The following TANK variants were observed in gnomAD, a reference collection of about 807,000 sequenced individuals.
TANK encodes the protein TRAF family member associated NFKB activator.
Under a neutral mutation model 43.6 loss-of-function variants are expected in TANK, and 15 were observed. The ratio of observed to expected loss-of-function variants is 0.34; its 90% CI spans 0.23 to 0.53. The LOEUF is 0.53. Among genes scored for constraint, TANK ranks in the 20% least tolerant of loss-of-function variants. The probability of loss-of-function intolerance (pLI) is 0.94; values close to 1 mark genes in which losing one functional copy is unlikely to be tolerated. For synonymous variants in TANK, 162 were observed against 178.2 expected (o/e 0.91, Z 0.73); for missense variants, 417 against 498.6 (o/e 0.84, Z 1.56).
chr2:161,141,776 T>G (rs576909866), intron 1 of TANK, among the ~76,000 whole-genome samples: 1 of 152,320 alleles, frequency 6.6e-6, no homozygotes, highest in East Asian at 1.9e-4. Flanking sequence ...TTGTAAATAG[T>G]GCTGCACGAA....
Position 161,224,622 on chromosome 2 carries a change from T to C in TANK, c.405-9T>C. 7.3e-7 allele frequency: 1 copy of C among 1,363,566 alleles called. No homozygotes were observed. The highest frequency in any genetic ancestry group is 2.4e-5 in the Admixed American group (1 of 41,628). The allele number at this position is 1,363,566 out of a possible 1,614,324, so 84.5% of individuals were successfully genotyped here. ...CTTTACATTTTAAAATGTTGATTTT[T>C]TTTTTTAGGGGTAATATAGAGAAGA... is the stretch of plus-strand genomic sequence containing the variant. On this transcript the variant is annotated splice_polypyrimidine_tract_variant and intron_variant, in intron 5 of 7. Coordinates refer to ENST00000392749, the MANE Select transcript of TANK (RefSeq NM_001199135.3).
chr2:161,153,145 G>T (rs1020883869), intron 1 of TANK, among the ~76,000 whole-genome samples: 1 of 151,696 alleles, frequency 6.6e-6, no homozygotes, highest in South Asian at 2.1e-4. Context: ...ATTTGTTATT[G>T]TGCCATTCAG....
intron 2 of TANK, among the ~76,000 whole-genome samples, chr2:161,182,584 G>C (rs1295508761): frequency 6.6e-6 from 1 of 152,110 alleles, no homozygotes; most frequent in Non-Finnish European, 1.5e-5. Flanking sequence ...TCTTTGGGGA[G>C]TTGGGGTGCA....
At chr2:161,212,314 G>T (rs1686931005) in intron 4 of TANK, 2 of 910,780 alleles carry the variant, frequency 2.2e-6, no homozygotes, top group African/African-American at 3.6e-5. Flanking sequence ...ACCTGCCTCG[G>T]CCTCCCATAG....
rs4313999 is a variant in TANK at position 161,207,285 on chromosome 2, G to A, written c.327+2492G>A. On this transcript the variant is annotated intron_variant, in intron 4 of 7. Coordinates refer to ENST00000392749, the MANE Select transcript of TANK (RefSeq NM_001199135.3). Reference sequence around the variant, plus strand: ...ATTATAACTATATTTTTGGGCAGACGGTAAGAGGAAAAGCTCCAAGTAAGG... The same window carrying A: ...ATTATAACTATATTTTTGGGCAGACAGTAAGAGGAAAAGCTCCAAGTAAGG... 193 of 520,066 alleles carry A rather than the reference G, an allele frequency of 3.7e-4. 1 individual carries two copies. In the East Asian group the frequency reaches 0.02, roughly 53 times the overall value. The allele number at this position is 520,066 out of a possible 1,614,324, so 32.2% of individuals were successfully genotyped here. A position where few individuals can be genotyped will look rare whatever the true frequency, so the allele number is the denominator to read the frequency against.
intron 4 of TANK, among the ~76,000 whole-genome samples, chr2:161,208,821 C>G (rs571595934): frequency 9.9e-5 from 15 of 152,194 alleles, no homozygotes; most frequent in Non-Finnish European, 1.0e-4. Context: ...GTGACGTAGT[C>G]TCAAAGTCAC....
chr2:161,177,049 A>C (rs906975299), intron 1 of TANK, among the ~76,000 whole-genome samples: 1 of 152,124 alleles, frequency 6.6e-6, no homozygotes, highest in African/African-American at 2.4e-5. Context: ...TTTCGAATGA[A>C]GCAGTGTCTA....
chr2:161,140,298 A>G (rs1368319525), intron 1 of TANK, among the ~76,000 whole-genome samples: 1 of 152,020 alleles, frequency 6.6e-6, no homozygotes, highest in Non-Finnish European at 1.5e-5. Context: ...TTATTGATCT[A>G]TTTGGGGTTT....
At chr2:161,210,325 C>T (rs1004441497) in intron 4 of TANK, among the ~76,000 whole-genome samples, 1 of 152,098 alleles carries the variant, frequency 6.6e-6, no homozygotes, top group Non-Finnish European at 1.5e-5. Flanking sequence ...AGTTATTGAA[C>T]TCCTATTTGC....
chr2:161,193,180 T>C (rs949529727), intron 2 of TANK, among the ~76,000 whole-genome samples: 1 of 152,244 alleles, frequency 6.6e-6, no homozygotes, highest in Non-Finnish European at 1.5e-5. Flanking sequence ...GCTTATTCCA[T>C]TTCTTGGCAT....
intron 4 of TANK, among the ~76,000 whole-genome samples, chr2:161,214,756 T>C (rs1470002532): frequency 6.6e-6 from 1 of 152,186 alleles, no homozygotes; most frequent in Non-Finnish European, 1.5e-5. Flanking sequence ...TAGTTACTGT[T>C]TCATGGGTGG....
At chr2:161,200,204 A>G (rs1159375332) in intron 2 of TANK, 1 of 219,662 alleles carries the variant, frequency 4.6e-6, no homozygotes. Flanking sequence ...AGAAGTGTTG[A>G]CAAGACATTG....
chr2:161,231,403 G>T lies in TANK; in HGVS notation c.953G>T (p.Cys318Phe). ...KTKPSNLVNT[C>F]IRTTLDRAAC... The stretch of plus-strand genomic sequence containing the variant: ...AAGCCCTCAAATCTCGTAAACACTT[G>T]TATCAGGACAACTCTGGATAGAGCT... The change falls in exon 7 of 8, where the codon TGT (cysteine) becomes TTT (phenylalanine). Residue 318 changes from cysteine to phenylalanine, a missense_variant. Transcript: ENST00000392749. The T allele has an allele frequency of 6.2e-7, 1 of 1,614,170 alleles. No homozygotes were observed. Among genetic ancestry groups the T allele is most frequent in the Non-Finnish European group, 8.5e-7 (1 of 1,180,010 alleles).
At chr2:161,160,427 C>T (rs564637886), upstream of TANK, 1 of 1,240,886 alleles carries the variant, frequency 8.1e-7, no homozygotes. Context: ...CGGTTGGAGT[C>T]ACTCGGCCAG....
upstream of TANK, chr2:161,160,219 C>CA (rs1553483352): frequency 7.8e-5 from 25 of 319,678 alleles, no homozygotes; most frequent in Non-Finnish European, 1.2e-4. Flanking sequence ...GCTGCTGACG[C>CA]TTTTTTTTTC....
At chr2:161,147,584 C>G (rs1317818649) in intron 1 of TANK, among the ~76,000 whole-genome samples, 2 of 152,218 alleles carry the variant, frequency 1.3e-5, no homozygotes, top group African/African-American at 4.8e-5. Context: ...CCATGTGGCT[C>G]TCAGGTGGGC....
intron 1 of TANK, among the ~76,000 whole-genome samples, chr2:161,148,181 C>T (rs1683971074): frequency 6.6e-6 from 1 of 152,208 alleles, no homozygotes; most frequent in Non-Finnish European, 1.5e-5. Context: ...TCCTCCTCCA[C>T]ACTTGTTATT....
chr2:161,137,557 T>C (rs1683622548), intron 1 of TANK, among the ~76,000 whole-genome samples: 1 of 152,190 alleles, frequency 6.6e-6, no homozygotes, highest in Non-Finnish European at 1.5e-5. Flanking sequence ...TGCTGAAAGA[T>C]ATTTGGCTTA....
At chr2:161,165,790 T>C (rs1684651324) in intron 1 of TANK, among the ~76,000 whole-genome samples, 1 of 152,164 alleles carries the variant, frequency 6.6e-6, no homozygotes, top group African/African-American at 2.4e-5. Context: ...ATTCTAACAT[T>C]GCCCCTAGTC....
Sources: allele counts gnomAD v4.1 joint callset (sites outside exome capture counted in the v4.1 genomes callset), GRCh38; gene constraint gnomAD v4.1.1; transcripts MANE v1.5; gene names NCBI Gene and HGNC (gene_info 2026-07-23, HGNC 2026-07-21).